The following EXD2 variants were observed in gnomAD, a reference collection of about 807,000 sequenced individuals.
The protein encoded by EXD2 is exonuclease 3'-5' domain-containing protein 2.
In EXD2, 40 loss-of-function variants were observed where a neutral mutation model predicts 62.5. The ratio of observed to expected loss-of-function variants is 0.64; its 90% confidence interval spans 0.50 to 0.83. The LOEUF is 0.83. EXD2 is among the 40% of genes least tolerant of loss of function. The pLI, the probability that EXD2 is intolerant of heterozygous loss-of-function variation, is 0.00. For missense variants in EXD2, 671 were observed against 761.8 expected (o/e 0.88, Z 1.40); for synonymous variants, 239 against 291.9 (o/e 0.82, Z 1.85).
At chr14:69,195,736 C>T (rs1009397706) in intron 1 of EXD2, among the ~76,000 whole-genome samples, 3 of 152,132 alleles carry the variant, frequency 2.0e-5, no homozygotes, top group African/African-American at 7.2e-5. Flanking sequence ...CTTTCGAGAT[C>T]TGGGTGTTTT....
At position 69,241,007 on chromosome 14, in the gene EXD2, G is replaced by A. The variant is rs369716591; in HGVS notation, c.1773G>A (p.Gln591=). Residue 591 remains glutamine (Q), a synonymous_variant, in exon 10 of 10, where the codon CAG becomes CAA. Transcript: ENST00000685843. ...GTCAGCACTTCCTGGACTCCATGCA[G>A]CCCAAGCACCTGCCCCAGCAGTGGT... is the stretch of plus-strand genomic sequence containing the variant. ...RWRQHFLDSM[Q]PKHLPQQWSV... 14 of 1,613,060 alleles carry A rather than the reference G, an allele frequency of 8.7e-6. No homozygotes were observed. The highest frequency in any genetic ancestry group is 8.3e-5 in the Admixed American group (5 of 60,016).
chr14:69,240,835 C>T (rs1006579628), intron 9 of EXD2, 49 bp from the exon 10 acceptor site: 8 of 1,537,758 alleles, frequency 5.2e-6, no homozygotes, highest in Admixed American at 3.5e-5. Flanking sequence ...TCTGTGAGGC[C>T]ATCCTGCGCT....
At position 69,241,974 on chromosome 14, in the gene EXD2, A is replaced by G. The variant is rs2043994335; in HGVS notation, c.*874A>G. The G allele has an allele frequency of 2.5e-6, 1 of 398,454 alleles. No individual in the cohort carries two copies. The highest frequency in any genetic ancestry group is 4.4e-6 in the Non-Finnish European group (1 of 226,052). 24.7% of individuals were successfully genotyped at this position (398,454 alleles called of 1,614,324 possible). ...TCAGAATCAGTATCAGTTCCCCTGTATTCTGTGCTTCATCGAATTTGCAAG... is the reference window on the plus strand; with the variant it reads ...TCAGAATCAGTATCAGTTCCCCTGTGTTCTGTGCTTCATCGAATTTGCAAG... On this transcript the variant is annotated 3_prime_UTR_variant, in exon 10 of 10. Transcript: ENST00000685843.
In EXD2 at chr14:69,209,798, G is replaced by T; in HGVS notation, c.328G>T (p.Glu110Ter). ...TTTTCCAGTACTTGGAATTGACTGT[G>T]AGTGGGTAAGTTAAAAAGCAAAAGT... ...EDFPVLGIDCEWVNLEGKASP... is the reference protein window; with the variant it reads ...EDFPVLGIDC The change falls in exon 3 of 10, where the codon GAG (glutamate) becomes TAG (stop). Residue 110 changes from glutamate to a stop codon, truncating the protein, a stop_gained. Transcript: ENST00000685843. LOFTEE classifies it high-confidence loss of function. 7.1e-7 allele frequency: 1 copy of T among 1,412,192 alleles called. No individual in the cohort carries two copies. The highest frequency in any genetic ancestry group is 1.5e-5 in the South Asian group (1 of 66,690). The allele number at this position is 1,412,192 out of a possible 1,614,324, so 87.5% of individuals were successfully genotyped here. A position where few individuals can be genotyped will look rare whatever the true frequency, so the allele number is the denominator to read the frequency against.
rs2043793118 is a variant in EXD2, at chr14:69,236,513, A to C, written c.1263A>C (p.Val421=). Residue 421 remains valine, a synonymous_variant, in exon 8 of 10, where the codon GTA becomes GTC. Coordinates refer to ENST00000685843, the MANE Select transcript of EXD2 (RefSeq NM_001193360.2). ...TGATGGTTAAAGAGAACCTGTGTGTAGTGTGTGGCAAGAGAGACTCCTACA... is the reference window on the plus strand; with the variant it reads ...TGATGGTTAAAGAGAACCTGTGTGTCGTGTGTGGCAAGAGAGACTCCTACA... ...YYLMVKENLC[V]VCGKRDSYIR... 1 of 1,614,140 alleles carries C rather than the reference A, an allele frequency of 6.2e-7. No individual in the cohort carries two copies.
rs921587211 is a variant in EXD2, at chr14:69,228,999, A to G, written c.517A>G (p.Ser173Gly). ...TGGAGTGGGATGCTCAGAAGATGCC[A>G]GCAAGCTTCTGCAGGATTATGGCCT... ...KVGVGCSEDA[S>G]KLLQDYGLVV... Residue 173 changes from serine to glycine, a missense_variant, in exon 4 of 10, where the codon AGC becomes GGC. Transcript: ENST00000685843. 2.5e-6 allele frequency: 4 copies of G among 1,614,240 alleles called. No homozygotes were observed.
chr14:69,220,947 G>C (rs1181316882), intron 3 of EXD2, among the ~76,000 whole-genome samples: 1 of 152,080 alleles, frequency 6.6e-6, no homozygotes, highest in Non-Finnish European at 1.5e-5. Flanking sequence ...GCTCACTGCA[G>C]CCTCAAATTC....
At chr14:69,236,261 G>A (rs188392325) in intron 7 of EXD2, 109 bp downstream of exon 7, 40 of 1,502,964 alleles carry the variant, frequency 2.7e-5, no homozygotes, top group East Asian at 2.3e-4. Flanking sequence ...CAGAGAGACC[G>A]TGAGATGCAT....
At chr14:69,230,704 G>T in intron 5 of EXD2, 106 bp downstream of exon 5, 1 of 1,299,562 alleles carries the variant, frequency 7.7e-7, no homozygotes. Flanking sequence ...GGATGGAGAT[G>T]CCTTAAAATA....
intron 5 of EXD2, among the ~76,000 whole-genome samples, chr14:69,231,909 TAA>T (rs747438242): frequency 0.014 from 848 of 60,624 alleles, 14 homozygotes; most frequent in African/African-American, 0.049. Context: ...GCATGAGCAG[TAA>T]AAAAAAAAAA....
At chr14:69,212,911 G>T (rs1270049427) in intron 3 of EXD2, among the ~76,000 whole-genome samples, 5 of 151,188 alleles carry the variant, frequency 3.3e-5, no homozygotes, top group African/African-American at 1.2e-4. Flanking sequence ...GGGTTTTGCG[G>T]TGTGGTCCGG....
chr14:69,210,909 A>G (rs1229354288), intron 3 of EXD2, among the ~76,000 whole-genome samples: 1 of 152,240 alleles, frequency 6.6e-6, no homozygotes, highest in Non-Finnish European at 1.5e-5. Flanking sequence ...ATTGCTAGAA[A>G]TTGCTAATAA....
At chr14:69,203,361 C>T (rs1221660786) in intron 1 of EXD2, among the ~76,000 whole-genome samples, 3 of 152,086 alleles carry the variant, frequency 2.0e-5, no homozygotes, top group African/African-American at 7.2e-5. Flanking sequence ...CAGGCCTGAG[C>T]CATCATGCCT....
intron 3 of EXD2, among the ~76,000 whole-genome samples, chr14:69,216,743 A>G (rs1173353170): frequency 6.6e-6 from 1 of 152,226 alleles, no homozygotes; most frequent in East Asian, 1.9e-4. Context: ...GAAATTATAT[A>G]TATTATGTAT....
chr14:69,235,746 C>T (rs1444867839), intron 6 of EXD2: 2 of 381,516 alleles, frequency 5.2e-6, no homozygotes, highest in East Asian at 6.2e-5. Flanking sequence ...TTTCTTGTTG[C>T]TTGGTTCTTT....
Position 69,237,835 on chromosome 14 carries a change from A to G in EXD2, c.1553A>G (p.Gln518Arg), listed in dbSNP as rs780087461. 8.7e-6 allele frequency: 14 copies of G among 1,613,346 alleles called. No individual in the cohort carries two copies. The highest frequency in any genetic ancestry group is 1.2e-5 in the Non-Finnish European group (14 of 1,179,862). ...CTCAACGCGGAGAGCCTGCCTACTCAGCGAAAGGAGGAGCTGCTGCAAGCA... is the reference window on the plus strand; with the variant it reads ...CTCAACGCGGAGAGCCTGCCTACTCGGCGAAAGGAGGAGCTGCTGCAAGCA... ...ALLNAESLPT[Q>R]RKEELLQALR... Residue 518 changes from glutamine to arginine, a missense_variant, in exon 9 of 10, where the codon CAG becomes CGG. Gln to Arg is a conservative substitution (Grantham distance 43). Coordinates refer to ENST00000685843, the MANE Select transcript of EXD2 (RefSeq NM_001193360.2).
chr14:69,234,800 A>G lies in EXD2; in HGVS notation c.818A>G (p.Asp273Gly), dbSNP rs1227555935. Reference protein sequence around the residue: ...SRNSPGEKNDDHSSWRKVLEK... With the variant: ...SRNSPGEKNDGHSSWRKVLEK... ...AATTCACCTGGAGAAAAAAACGATG[A>G]CCACAGTAGCTGGAGAAAAGTCTTG... The change falls in exon 6 of 10, where the codon GAC becomes GGC. Residue 273 changes from aspartate (D) to glycine (G), a missense_variant. By Grantham distance (94) the Asp-to-Gly change is moderately conservative. Transcript: ENST00000685843. The G allele has an allele frequency of 1.2e-6, 2 of 1,614,040 alleles. No homozygotes were observed. The highest frequency in any genetic ancestry group is 1.7e-6 in the Non-Finnish European group (2 of 1,180,030).
chr14:69,208,210 A>ATTTT (rs11446992), intron 2 of EXD2, among the ~76,000 whole-genome samples: 7 of 112,582 alleles, frequency 6.2e-5, no homozygotes, highest in Admixed American at 9.9e-5. Context: ...GCCACTTACT[A>ATTTT]TTTTTTTTTT....
intron 2 of EXD2, among the ~76,000 whole-genome samples, chr14:69,207,947 G>A (rs964352704): frequency 4.0e-5 from 6 of 150,320 alleles, no homozygotes; most frequent in African/African-American, 1.5e-4. Flanking sequence ...CACCCAGGCT[G>A]GAGTGCAGTG....
Sources: gnomAD v4.1 joint callset for allele counts (sites outside exome capture counted in the v4.1 genomes callset) on GRCh38, gnomAD v4.1.1 for gene constraint, MANE v1.5 for transcripts, NCBI Gene and HGNC (gene_info 2026-07-23, HGNC 2026-07-21) for gene names.